The following EXTL3 variants were observed in gnomAD, a reference collection of about 807,000 sequenced individuals.
EXTL3 encodes the protein exostosin like glycosyltransferase 3.
EXTL3 carries 27 observed loss-of-function variants against 69.3 expected under a neutral mutation model. That is an observed-to-expected ratio of 0.39 (90% CI 0.29 to 0.54). EXTL3 has a LOEUF of 0.54. Ranked by LOEUF, EXTL3 falls within the 20% of genes least tolerant of loss-of-function variation. The pLI is 0.69. For missense variants in EXTL3, 1,003 were observed against 1,231.8 expected (o/e 0.81, Z 2.78); for synonymous variants, 511 against 499.4 (o/e 1.02, Z -0.31).
chr8:28,645,452 A>C (rs1380410096), intron 1 of EXTL3, among the ~76,000 whole-genome samples: 1 of 152,226 alleles, frequency 6.6e-6, no homozygotes, highest in Non-Finnish European at 1.5e-5. Context: ...ATATACTGAC[A>C]CAGATATTTA....
chr8:28,657,652 CTA>C (rs1277716264), intron 1 of EXTL3, among the ~76,000 whole-genome samples: 1 of 151,844 alleles, frequency 6.6e-6, no homozygotes, highest in East Asian at 1.9e-4. Context: ...ATTGTACACT[CTA>C]TTTTTTTGCT....
chr8:28,740,062 G>A (rs890071636), intron 5 of EXTL3: 3 of 152,198 alleles, frequency 2.0e-5, no homozygotes, highest in Non-Finnish European at 2.9e-5. Flanking sequence ...AACCTCAGTT[G>A]GCTTACAGAG....
At chr8:28,685,858 A>T (rs1412699257) in intron 1 of EXTL3, 2 of 149,460 alleles carry the variant, frequency 1.3e-5, no homozygotes, top group Non-Finnish European at 3.0e-5. Flanking sequence ...ATTTTTATTT[A>T]TTTTTTATTT....
chr8:28,707,281 G>A (rs1324713667), intron 1 of EXTL3, among the ~76,000 whole-genome samples: 2 of 152,212 alleles, frequency 1.3e-5, no homozygotes, highest in African/African-American at 4.8e-5. Context: ...ACCTGGATTT[G>A]TAACTTGGTT....
intron 2 of EXTL3, among the ~76,000 whole-genome samples, chr8:28,611,853 C>G (rs537954480): frequency 2.0e-5 from 3 of 152,162 alleles, no homozygotes; most frequent in Non-Finnish European, 4.4e-5. Flanking sequence ...AATACAGAAC[C>G]GAGTCTGTTC....
rs1022662927 is a variant in EXTL3 at position 28,754,789 on chromosome 8, G to A, written c.*3923G>A. 2 of 152,300 alleles carry A rather than the reference G, an allele frequency of 1.3e-5. No homozygotes were observed. Among genetic ancestry groups the A allele is most frequent in the African/African-American group, 2.4e-5 (1 of 41,466 alleles). 9.4% of individuals were successfully genotyped at this position (152,300 alleles called of 1,614,324 possible). On this transcript the variant is annotated 3_prime_UTR_variant, in exon 7 of 7. Transcript: ENST00000220562. ...TGTGTTAAGAAGAATGTTGATGGTG[G>A]TGTGTGGTGCCTAACATCTTAATCT...
chr8:28,650,175 G>A lies in EXTL3; in HGVS notation c.-53+27365G>A, dbSNP rs1173314296. On this transcript the variant is annotated intron_variant, in intron 1 of 6. Transcript: ENST00000523149. ...TGCACCACTGCACTCCAGCCGGGGT[G>A]ACAGAGTGAGACTCTGTCTCAGGAA... 5.7e-5 allele frequency among the ~76,000 whole-genome samples: 8 copies of A among 141,158 alleles called. 1 individual carries two copies. The highest frequency in any genetic ancestry group is 3.6e-4 in the Admixed American group (5 of 13,830). The allele number at this position is 141,158 out of a possible 152,430, so 92.6% of individuals were successfully genotyped here.
chr8:28,665,192 C>G (rs1270714335), intron 1 of EXTL3, among the ~76,000 whole-genome samples: 1 of 150,812 alleles, frequency 6.6e-6, no homozygotes, highest in Non-Finnish European at 1.5e-5. Flanking sequence ...ATGCCTCAGC[C>G]TCCCGAGTAG....
intron 2 of EXTL3, among the ~76,000 whole-genome samples, chr8:28,714,107 T>C (rs1332312186): frequency 2.0e-5 from 3 of 152,032 alleles, no homozygotes; most frequent in African/African-American, 4.8e-5. Flanking sequence ...GGTTTTGCCA[T>C]GTTGGCCAGG....
intron 1 of EXTL3, among the ~76,000 whole-genome samples, chr8:28,670,452 T>C (rs1011587111): frequency 2.0e-5 from 3 of 152,160 alleles, no homozygotes; most frequent in African/African-American, 7.2e-5. Context: ...TGCAGTTGGA[T>C]GGCTGGAGAC....
intron 1 of EXTL3, among the ~76,000 whole-genome samples, chr8:28,625,766 T>A (rs951606564): frequency 2.6e-5 from 4 of 152,036 alleles, no homozygotes; most frequent in African/African-American, 4.8e-5. Flanking sequence ...ATCGGACCTC[T>A]GAAAAAATCA....
intron 2 of EXTL3, among the ~76,000 whole-genome samples, chr8:28,617,556 G>A (rs1205197291): frequency 6.6e-6 from 1 of 152,150 alleles, no homozygotes; most frequent in Non-Finnish European, 1.5e-5. Flanking sequence ...CAAGGTGGGT[G>A]GATTGCTGGT....
At chr8:28,713,414 G>A in intron 1 of EXTL3, 43 bp from the exon 2 acceptor site, 1 of 669,406 alleles carries the variant, frequency 1.5e-6, no homozygotes, top group Non-Finnish European at 2.7e-6. Flanking sequence ...CTAATAGTAT[G>A]TCACTGTTCT....
chr8:28,648,014 C>A (rs1806862544), intron 1 of EXTL3, among the ~76,000 whole-genome samples: 1 of 151,764 alleles, frequency 6.6e-6, no homozygotes, highest in Middle Eastern at 3.2e-3. Context: ...GGTCATGCTA[C>A]CTGGCTAGGG....
At chr8:28,627,407 C>G (rs563029718) in intron 1 of EXTL3, among the ~76,000 whole-genome samples, 132 of 150,422 alleles carry the variant, frequency 8.8e-4, no homozygotes, top group African/African-American at 3.1e-3. Context: ...CTAGGAGGAT[C>G]ACTTGAGCTG....
chr8:28,730,810 T>G (rs1240470716), intron 3 of EXTL3, among the ~76,000 whole-genome samples: 1 of 152,108 alleles, frequency 6.6e-6, no homozygotes, highest in Non-Finnish European at 1.5e-5. Flanking sequence ...GAGTCAGAAG[T>G]GACAGACTCA....
rs1305631007 is a variant in EXTL3 at position 28,637,018 on chromosome 8, G to A, written c.-53+14208G>A. Among the ~76,000 whole-genome samples, 11 of 151,784 alleles carry A rather than the reference G, an allele frequency of 7.2e-5. No individual in the cohort carries two copies. The East Asian group carries it at 1.6e-3, about 21-fold the overall frequency. ...AAGAAGCGGGTGGAGGGGGTGGGGCGGGGAGAGGGAGGGAGCGGGGAAGGG... is the reference window on the plus strand; with the variant it reads ...AAGAAGCGGGTGGAGGGGGTGGGGCAGGGAGAGGGAGGGAGCGGGGAAGGG... On this transcript the variant is annotated intron_variant, in intron 1 of 6. Transcript: ENST00000523149.
intron 1 of EXTL3, among the ~76,000 whole-genome samples, chr8:28,704,123 T>TA (rs893159083): frequency 1.3e-5 from 2 of 152,186 alleles, no homozygotes; most frequent in Admixed American, 1.3e-4. Context: ...AAGCAGGATT[T>TA]AAAAAACCTG....
chr8:28,636,878 G>A (rs1437899097), intron 1 of EXTL3, among the ~76,000 whole-genome samples: 1 of 152,008 alleles, frequency 6.6e-6, no homozygotes, highest in African/African-American at 2.4e-5. Flanking sequence ...GGGCATGGTG[G>A]CATGTGCCTG....
Sources: gnomAD v4.1 joint callset for allele counts (sites outside exome capture counted in the v4.1 genomes callset) on GRCh38, gnomAD v4.1.1 for gene constraint, MANE v1.5 for transcripts, NCBI Gene and HGNC (gene_info 2026-07-23, HGNC 2026-07-21) for gene names.